PHC2: variants seen among roughly 807,000 people sequenced by gnomAD.
The protein encoded by PHC2 is polyhomeotic homolog 2, also known as polyhomeotic-like protein 2.
In PHC2, 29 loss-of-function variants were observed where a neutral mutation model predicts 87.4. The ratio of observed to expected loss-of-function variants is 0.33; its 90% CI spans 0.25 to 0.45. The LOEUF (loss-of-function observed/expected upper bound fraction) is 0.45, where lower values mean the gene tolerates loss of function less well. Among genes scored for constraint, PHC2 ranks in the 20% least tolerant of loss-of-function variants. PHC2 has a pLI of 1.00. For missense variants in PHC2, 857 were observed against 1,136.7 expected, an observed-to-expected ratio of 0.75 and a Z score of 3.54; for synonymous variants, 438 against 461.7, an observed-to-expected ratio of 0.95 and a Z score of 0.66.
chr1:33,383,554 G>A (rs1334537050), intron 1 of PHC2, among the ~76,000 whole-genome samples: 5 of 152,204 alleles, frequency 3.3e-5, no homozygotes, highest in Non-Finnish European at 4.4e-5. Context: ...GTGCTGGTTG[G>A]TTGAAGAATA....
rs140804348 is a variant in PHC2, at chr1:33,330,131, G to A, written c.2088C>T (p.His696=). 1.9e-6 allele frequency: 3 copies of A among 1,614,108 alleles called. No homozygotes were observed. Among genetic ancestry groups the A allele is most frequent in the African/African-American group, 1.3e-5 (1 of 74,942 alleles). ...TGGCTTTGCTGGCCCGACGGCGGTT[G>A]TGGGTCGCAGCTCCTGCCTTCTGCA... ...SKLQKAGAAT[H]NRRRASKASL... is the part of the protein sequence containing the mutation. The change falls in exon 13 of 15, where the codon CAC becomes CAT. Residue 696 remains histidine, a synonymous_variant. Transcript: ENST00000683057.
At chr1:33,338,571 A>T (rs1252822064) in intron 9 of PHC2, among the ~76,000 whole-genome samples, 1 of 152,232 alleles carries the variant, frequency 6.6e-6, no homozygotes, top group Non-Finnish European at 1.5e-5. Context: ...CAGCACACTG[A>T]GATTAATTTA....
At chr1:33,410,909 A>C (rs1029545290) in intron 1 of PHC2, among the ~76,000 whole-genome samples, 23 of 152,314 alleles carry the variant, frequency 1.5e-4, no homozygotes, top group African/African-American at 4.8e-4. Context: ...TATTATGGTC[A>C]CAGTTAAATA....
chr1:33,349,664 C>G lies in PHC2; in HGVS notation c.1558+4737G>C. On this transcript the variant is annotated intron_variant, in intron 9 of 14. Transcript: ENST00000683057. This position sits in a 1 kb window ranked among gnomAD's most constrained non-coding sequence, Gnocchi z 4.2. ...AGCCCCTCGGCCGGGCGCCGACTCG[C>G]GCGGGGTCCCGGGCCCGGGCGGGCC... 1 of 982,986 alleles carries G rather than the reference C, an allele frequency of 1.0e-6. No homozygotes were observed. The highest frequency in any genetic ancestry group is 1.2e-6 in the Non-Finnish European group (1 of 829,488). 60.9% of individuals were successfully genotyped at this position (982,986 alleles called of 1,614,324 possible). A position where few individuals can be genotyped will look rare whatever the true frequency, so the allele number is the denominator to read the frequency against.
At position 33,331,467 on chromosome 1, in the gene PHC2, A is replaced by G; in HGVS notation, c.1892-5T>C. 2 of 1,537,056 alleles carry G rather than the reference A, an allele frequency of 1.3e-6. No individual in the cohort carries two copies. The highest frequency in any genetic ancestry group is 1.8e-6 in the Non-Finnish European group (2 of 1,111,292). On this transcript the variant is annotated splice_polypyrimidine_tract_variant and splice_region_variant and intron_variant, in intron 11 of 14. Transcript: ENST00000683057. The surrounding 1 kb of genome is among the most constrained non-coding windows in gnomAD (Gnocchi z 5.2). ...GAGCACCCTCCTCTTTGGATTCTGA[A>G]AAGTATAGAAATGGGTAGGGTGGAG...
At chr1:33,361,170 T>C (rs1647186326) in intron 7 of PHC2, among the ~76,000 whole-genome samples, 1 of 152,156 alleles carries the variant, frequency 6.6e-6, no homozygotes, top group Non-Finnish European at 1.5e-5. Context: ...ACAGAGCGTC[T>C]GCATGAGGAC....
chr1:33,354,611 T>C, intron 8 of PHC2, 45 bp from the exon 9 acceptor site: 1 of 1,569,084 alleles, frequency 6.4e-7, no homozygotes, highest in Non-Finnish European at 8.7e-7. Flanking sequence ...AGAAATAGCC[T>C]TTGCATTCTT....
At chr1:33,339,841 T>TA (rs1646709891) in intron 9 of PHC2, among the ~76,000 whole-genome samples, 2 of 152,260 alleles carry the variant, frequency 1.3e-5, no homozygotes, top group South Asian at 4.1e-4. Flanking sequence ...GCATTATACT[T>TA]ACTGGTTGAG....
chr1:33,333,038 G>A (rs915468678), intron 10 of PHC2, among the ~76,000 whole-genome samples: 1 of 152,186 alleles, frequency 6.6e-6, no homozygotes, highest in Non-Finnish European at 1.5e-5. Context: ...CTAGGGCAAT[G>A]CTGGGGGTGC....
intron 9 of PHC2, among the ~76,000 whole-genome samples, chr1:33,337,767 T>G (rs1570455218): frequency 6.6e-6 from 1 of 152,204 alleles, no homozygotes; most frequent in East Asian, 1.9e-4. Flanking sequence ...TTCGTAATCA[T>G]CCTAGGCCCT....
At chr1:33,361,613 G>A (rs907933785) in intron 7 of PHC2, among the ~76,000 whole-genome samples, 1 of 152,238 alleles carries the variant, frequency 6.6e-6, no homozygotes, top group Non-Finnish European at 1.5e-5. Flanking sequence ...AAAGGGCTGA[G>A]ATTACAGGCG....
chr1:33,381,555 C>T (rs1280780661), intron 1 of PHC2, among the ~76,000 whole-genome samples: 1 of 151,736 alleles, frequency 6.6e-6, no homozygotes, highest in Non-Finnish European at 1.5e-5. Flanking sequence ...CCAATTTTGT[C>T]AATGAGAAAT....
intron 3 of PHC2, among the ~76,000 whole-genome samples, chr1:33,371,789 G>A (rs563288898): frequency 6.6e-6 from 1 of 152,294 alleles, no homozygotes; most frequent in Admixed American, 6.5e-5. Context: ...TCTGGTTCCT[G>A]TTTACTTGCT....
At chr1:33,422,669 G>A (rs971931475) in intron 1 of PHC2, among the ~76,000 whole-genome samples, 4 of 152,074 alleles carry the variant, frequency 2.6e-5, no homozygotes, top group African/African-American at 7.2e-5. Flanking sequence ...ACGGGCTTTA[G>A]TGTCACCATC....
chr1:33,394,299 A>G (rs1649205892), intron 1 of PHC2, among the ~76,000 whole-genome samples: 1 of 152,138 alleles, frequency 6.6e-6, no homozygotes, highest in Non-Finnish European at 1.5e-5. Context: ...TAGCAGCAAA[A>G]GAAAAAAAAA....
intron 1 of PHC2, among the ~76,000 whole-genome samples, chr1:33,388,685 G>A (rs1182144173): frequency 2.0e-5 from 3 of 152,138 alleles, no homozygotes; most frequent in South Asian, 4.1e-4. Context: ...TAAAAAATAC[G>A]TAGAAAGAAA....
At position 33,329,163 on chromosome 1, in the gene PHC2, T is replaced by C. The variant is rs773679728; in HGVS notation, c.2149-17A>G. 9 of 1,604,904 alleles carry C rather than the reference T, an allele frequency of 5.6e-6. No individual in the cohort carries two copies. In the Admixed American group the frequency reaches 1.5e-4, roughly 27 times the overall value. ...GCCTGTTGGCTGGGAGCAGAGAGTT[T>C]TCTTCAGGATGGGGGAACAAACCAT... On this transcript the variant is annotated splice_polypyrimidine_tract_variant and intron_variant, in intron 13 of 14. Coordinates refer to ENST00000683057, the MANE Select transcript of PHC2 (RefSeq NM_001385109.1).
intron 3 of PHC2, among the ~76,000 whole-genome samples, chr1:33,372,079 C>T (rs904821780): frequency 1.1e-4 from 17 of 152,230 alleles, no homozygotes; most frequent in African/African-American, 2.9e-4. Flanking sequence ...GCTAGCATTC[C>T]GCCGCTATAG....
intron 1 of PHC2, among the ~76,000 whole-genome samples, chr1:33,386,910 C>T (rs1353962682): frequency 1.3e-5 from 2 of 152,216 alleles, no homozygotes; most frequent in African/African-American, 4.8e-5. Flanking sequence ...GCTACTATTT[C>T]TAGAGTTGGC....
Sources: gnomAD v4.1 joint callset for allele counts (sites outside exome capture counted in the v4.1 genomes callset) on GRCh38, gnomAD v4.1.1 for gene constraint, Gnocchi (gnomAD v3.1) non-coding constraint, MANE v1.5 for transcripts, NCBI Gene and HGNC (gene_info 2026-07-23, HGNC 2026-07-21) for gene names.